Variants in DLG2 observed in about 807,000 individuals in gnomAD.
The protein encoded by DLG2 is discs large MAGUK scaffold protein 2.
DLG2 carries 45 observed loss-of-function variants against 132.5 expected under a neutral mutation model. The ratio of observed to expected loss-of-function variants is 0.34; its 90% CI spans 0.27 to 0.44. DLG2 has a LOEUF of 0.44. Among genes scored for constraint, DLG2 ranks in the 20% least tolerant of loss-of-function variants. The pLI, the probability that DLG2 is intolerant of heterozygous loss-of-function variation, is 1.00. For synonymous variants in DLG2, 424 were observed against 419.6 expected (o/e 1.01, Z -0.13); for missense variants, 1,045 against 1,196.9 (o/e 0.87, Z 1.87).
intron 10 of DLG2, among the ~76,000 whole-genome samples, chr11:84,087,273 G>A (rs1222289411): frequency 2.0e-5 from 3 of 152,116 alleles, no homozygotes; most frequent in Non-Finnish European, 4.4e-5. Context: ...ATCCCACCAG[G>A]CATGCTGAGG....
chr11:84,672,284 T>G (rs7106035), intron 6 of DLG2, among the ~76,000 whole-genome samples: 2,294 of 152,158 alleles, frequency 0.015, 70 homozygotes, highest in African/African-American at 0.052. Flanking sequence ...TGCCTAAACC[T>G]AAATGATGAG....
intron 7 of DLG2, among the ~76,000 whole-genome samples, chr11:84,486,437 T>A (rs1230253772): frequency 6.6e-6 from 1 of 152,126 alleles, no homozygotes; most frequent in Non-Finnish European, 1.5e-5. Flanking sequence ...CTAGGCCAAA[T>A]GAAGTTACTG....
chr11:84,842,935 G>C (rs1431403410), intron 6 of DLG2, among the ~76,000 whole-genome samples: 1 of 151,780 alleles, frequency 6.6e-6, no homozygotes, highest in African/African-American at 2.4e-5. Context: ...AAGTGGCAAG[G>C]GCTCTGGAAA....
intron 19 of DLG2, among the ~76,000 whole-genome samples, chr11:83,592,977 T>TA (rs893624579): frequency 6.9e-6 from 1 of 144,178 alleles, no homozygotes; most frequent in Non-Finnish European, 1.5e-5. Flanking sequence ...TGGCAATCAT[T>TA]AAAAAGTCAG....
Position 84,149,591 on chromosome 11 carries a change from C to G in DLG2, c.624+13870G>C, listed in dbSNP as rs544950551. On this transcript the variant is annotated intron_variant, in intron 9 of 27. Transcript: ENST00000376104. ...ATTGGTCTATGTGTCTGTTTTTGTG[C>G]CAGTACCATGCTATTTGGTTTCTGT... Among the ~76,000 whole-genome samples, 3 of 152,126 alleles carry G rather than the reference C, an allele frequency of 2.0e-5. No homozygotes were observed. The East Asian group carries it at 5.8e-4, about 29-fold the overall frequency.
intron 9 of DLG2, among the ~76,000 whole-genome samples, chr11:84,154,748 G>A (rs147649950): frequency 0.018 from 2,789 of 152,088 alleles, 68 homozygotes; most frequent in African/African-American, 0.062. Flanking sequence ...AACATGCAGT[G>A]TTTGGTTTTT....
intron 6 of DLG2, among the ~76,000 whole-genome samples, chr11:84,863,855 C>G (rs190535017): frequency 6.6e-6 from 1 of 152,084 alleles, no homozygotes; most frequent in Non-Finnish European, 1.5e-5. Flanking sequence ...TCTGCAGCCT[C>G]GGACCAGTTG....
chr11:85,089,061 A>C (rs1349506036), intron 6 of DLG2, among the ~76,000 whole-genome samples: 1 of 152,114 alleles, frequency 6.6e-6, no homozygotes, highest in African/African-American at 2.4e-5. Flanking sequence ...GCTCCTTACC[A>C]CTTGAGGGTC....
chr11:85,152,491 G>A (rs956388433), intron 5 of DLG2, among the ~76,000 whole-genome samples: 2 of 151,984 alleles, frequency 1.3e-5, no homozygotes, highest in African/African-American at 4.8e-5. Flanking sequence ...CACCCACCTT[G>A]GCCTCCCAAA....
At chr11:85,007,186 T>C (rs566775948) in intron 6 of DLG2, among the ~76,000 whole-genome samples, 1 of 109,754 alleles carries the variant, frequency 9.1e-6, no homozygotes, top group South Asian at 3.0e-4. Flanking sequence ...TGAGTGACTT[T>C]GAGCTAAGTA....
chr11:83,850,158 G>GT (rs1430673250), intron 16 of DLG2, among the ~76,000 whole-genome samples: 10 of 127,862 alleles, frequency 7.8e-5, no homozygotes, highest in African/African-American at 3.5e-4. Flanking sequence ...GTGTGTGTGT[G>GT]TGTTTTTTTA....
rs60890814 is a variant in DLG2, at chr11:83,499,852, G to GATATAT, written c.2194-15630_2194-15625dup. 9.2e-3 allele frequency among the ~76,000 whole-genome samples: 566 copies of GATATAT among 61,390 alleles called. 14 individuals carry two copies. The highest frequency in any genetic ancestry group is 0.013 in the Non-Finnish European group (383 of 29,928). The allele number at this position is 61,390 out of a possible 152,430, so 40.3% of individuals were successfully genotyped here. On this transcript the variant is annotated intron_variant, in intron 21 of 27. Coordinates refer to ENST00000376104, the MANE Select transcript of DLG2 (RefSeq NM_001142699.3). Reference sequence around the variant, plus strand: ...ATATATATTTCCTCCACTAATAGGAGATATATATATATATATATATATATA... The same window carrying GATATAT: ...ATATATATTTCCTCCACTAATAGGAGATATATATATATATATATATATATATATATA...
intron 3 of DLG2, among the ~76,000 whole-genome samples, chr11:85,557,936 G>A (rs2077025888): frequency 6.6e-6 from 1 of 151,682 alleles, no homozygotes; most frequent in Admixed American, 6.6e-5. Context: ...AGTAATTGCA[G>A]CAAAAACAAA....
chr11:84,086,132 T>C (rs2096976024), intron 10 of DLG2, among the ~76,000 whole-genome samples: 3 of 152,154 alleles, frequency 2.0e-5, no homozygotes, highest in South Asian at 4.1e-4. Context: ...TACTCTCTAC[T>C]TGGTTAGATT....
At chr11:85,390,819 A>G (rs999600760) in intron 3 of DLG2, among the ~76,000 whole-genome samples, 5 of 152,126 alleles carry the variant, frequency 3.3e-5, no homozygotes, top group African/African-American at 1.2e-4. Flanking sequence ...ATAGCATTAA[A>G]TGCCTATATC....
chr11:83,760,813 C>T (rs1258546309), intron 18 of DLG2, among the ~76,000 whole-genome samples: 1 of 152,200 alleles, frequency 6.6e-6, no homozygotes, highest in Non-Finnish European at 1.5e-5. Context: ...CTTGCCTAGA[C>T]AACTGTAGCA....
chr11:83,533,548 T>C (rs1341514451), intron 20 of DLG2, among the ~76,000 whole-genome samples: 1 of 152,128 alleles, frequency 6.6e-6, no homozygotes, highest in Non-Finnish European at 1.5e-5. Context: ...GTAGAAAGCA[T>C]TAGGATGGGC....
chr11:84,706,413 A>G (rs1461288029), intron 6 of DLG2, among the ~76,000 whole-genome samples: 1 of 151,796 alleles, frequency 6.6e-6, no homozygotes, highest in Non-Finnish European at 1.5e-5. Context: ...AAGCAACTTT[A>G]GACATACTGT....
intron 6 of DLG2, among the ~76,000 whole-genome samples, chr11:85,002,621 T>A (rs1271746266): frequency 6.6e-6 from 1 of 152,170 alleles, no homozygotes; most frequent in African/African-American, 2.4e-5. Context: ...GATTTTAGTG[T>A]CCACATTGGT....
Sources: allele counts gnomAD v4.1 joint callset (sites outside exome capture counted in the v4.1 genomes callset), GRCh38; gene constraint gnomAD v4.1.1; transcripts MANE v1.5; gene names NCBI Gene and HGNC (gene_info 2026-07-23, HGNC 2026-07-21).